The following CADPS variants were observed in gnomAD, a reference collection of about 807,000 sequenced individuals.
CADPS encodes calcium-dependent secretion activator 1.
Under a neutral mutation model 167.3 loss-of-function variants are expected in CADPS, and 57 were observed. The observed-to-expected ratio is 0.34, with a 90% confidence interval of 0.28 to 0.42. The LOEUF is 0.42. Ranked by LOEUF, CADPS falls within the 20% of genes least tolerant of loss-of-function variation. CADPS has a pLI of 1.00. For missense variants in CADPS, 1,414 were observed against 1,738.1 expected (o/e 0.81, Z 3.32); for synonymous variants, 676 against 635.3 (o/e 1.06, Z -0.96).
intron 23 of CADPS, among the ~76,000 whole-genome samples, 196 bp from the exon 24 acceptor site, chr3:62,474,516 C>A (rs2061024669): frequency 6.6e-6 from 1 of 152,106 alleles, no homozygotes; most frequent in South Asian, 2.1e-4. Context: ...ACATGCACAC[C>A]CTTCCTTTCC....
intron 1 of CADPS, among the ~76,000 whole-genome samples, chr3:62,789,123 A>G (rs941659028): frequency 5.3e-5 from 8 of 152,200 alleles, no homozygotes; most frequent in African/African-American, 1.9e-4. Flanking sequence ...GCAACATAAA[A>G]CTGACACATA....
In CADPS at chr3:62,701,883, A is replaced by T. The variant is rs544828035; in HGVS notation, c.889-39489T>A. On this transcript the variant is annotated intron_variant, in intron 3 of 29. Coordinates refer to ENST00000383710, the MANE Select transcript of CADPS (RefSeq NM_003716.4). ...TGTCAAAAGGAAAAGGTTAAGCTGAATGTTGAGTCATGCAAGAAACTGCTT... is the reference window on the plus strand; with the variant it reads ...TGTCAAAAGGAAAAGGTTAAGCTGATTGTTGAGTCATGCAAGAAACTGCTT... 5.9e-5 allele frequency among the ~76,000 whole-genome samples: 9 copies of T among 152,302 alleles called. No homozygotes were observed. In the South Asian group the frequency reaches 1.7e-3, roughly 28 times the overall value.
chr3:62,492,031 A>G (rs2063830034), intron 20 of CADPS, among the ~76,000 whole-genome samples: 1 of 152,220 alleles, frequency 6.6e-6, no homozygotes, highest in Non-Finnish European at 1.5e-5. Flanking sequence ...AATCAAACAC[A>G]CAAAAAATGG....
intron 1 of CADPS, among the ~76,000 whole-genome samples, chr3:62,873,145 A>C (rs1407591001): frequency 6.6e-6 from 1 of 152,228 alleles, no homozygotes; most frequent in Non-Finnish European, 1.5e-5. Context: ...TCACCCTGGA[A>C]ATCAGTTTTA....
intron 3 of CADPS, among the ~76,000 whole-genome samples, chr3:62,668,432 G>A (rs1054551756): frequency 6.6e-6 from 1 of 152,098 alleles, no homozygotes; most frequent in African/African-American, 2.4e-5. Context: ...TTTTGGGAGG[G>A]CTAGCTTTCT....
chr3:62,437,252 A>T (rs569483528), intron 28 of CADPS, among the ~76,000 whole-genome samples: 1 of 152,172 alleles, frequency 6.6e-6, no homozygotes, highest in Admixed American at 6.5e-5. Context: ...AATTCGGTGG[A>T]AACCCGAGAT....
chr3:62,489,172 T>A (rs1257597865), intron 21 of CADPS, among the ~76,000 whole-genome samples: 1 of 152,090 alleles, frequency 6.6e-6, no homozygotes, highest in African/African-American at 2.4e-5. Flanking sequence ...TTATTATTTT[T>A]TTTTTTGAGA....
intron 6 of CADPS, among the ~76,000 whole-genome samples, chr3:62,594,203 C>A (rs1244009929): frequency 6.7e-6 from 1 of 148,610 alleles, no homozygotes; most frequent in Non-Finnish European, 1.5e-5. Context: ...GCTCTGTCGC[C>A]CAGGCTGGAG....
chr3:62,838,167 A>G (rs893244063), intron 1 of CADPS, among the ~76,000 whole-genome samples: 1 of 152,208 alleles, frequency 6.6e-6, no homozygotes, highest in Non-Finnish European at 1.5e-5. Context: ...AGATCAGCCC[A>G]GGGGCTGATT....
intron 8 of CADPS, among the ~76,000 whole-genome samples, chr3:62,575,418 T>C (rs1404623250): frequency 2.6e-5 from 4 of 152,222 alleles, no homozygotes; most frequent in Non-Finnish European, 5.9e-5. Flanking sequence ...ACTAGAGTTA[T>C]CTCTACTTCA....
intron 9 of CADPS, among the ~76,000 whole-genome samples, chr3:62,562,092 G>A (rs756950041): frequency 4.8e-4 from 73 of 152,244 alleles, no homozygotes; most frequent in Non-Finnish European, 9.4e-4. Context: ...AAAAAGAGAG[G>A]TATATGGTAC....
chr3:62,571,434 C>A (rs1217050836), intron 8 of CADPS, among the ~76,000 whole-genome samples: 1 of 152,150 alleles, frequency 6.6e-6, no homozygotes, highest in Admixed American at 6.5e-5. Flanking sequence ...CTCCCCACTT[C>A]CTTCCTCCTT....
intron 1 of CADPS, among the ~76,000 whole-genome samples, chr3:62,858,301 G>T (rs188980245): frequency 5.9e-5 from 9 of 152,224 alleles, no homozygotes; most frequent in African/African-American, 2.2e-4. Flanking sequence ...TCTCCTCATG[G>T]TTCTAAGATG....
At chr3:62,786,095 C>G (rs2092399895) in intron 1 of CADPS, among the ~76,000 whole-genome samples, 1 of 152,186 alleles carries the variant, frequency 6.6e-6, no homozygotes, top group South Asian at 2.1e-4. Flanking sequence ...TGCCTGTATT[C>G]CCAGCTACTC....
chr3:62,860,587 C>A (rs1454078546), intron 1 of CADPS, among the ~76,000 whole-genome samples: 1 of 152,108 alleles, frequency 6.6e-6, no homozygotes, highest in Admixed American at 6.6e-5. Flanking sequence ...CAGTTCAAAC[C>A]CACGTTGGTC....
intron 1 of CADPS, among the ~76,000 whole-genome samples, chr3:62,816,039 G>T (rs745912061): frequency 6.6e-5 from 10 of 152,152 alleles, no homozygotes; most frequent in Non-Finnish European, 1.3e-4. Flanking sequence ...TCAAATTCCT[G>T]TAGAGTATGG....
At chr3:62,588,870 A>G (rs1417029096) in intron 7 of CADPS, among the ~76,000 whole-genome samples, 2 of 152,118 alleles carry the variant, frequency 1.3e-5, no homozygotes, top group East Asian at 3.9e-4. Flanking sequence ...GTAGCTTCCA[A>G]CTGTGCTTTT....
At chr3:62,415,621 G>A (rs1285664075) in intron 28 of CADPS, among the ~76,000 whole-genome samples, 1 of 152,182 alleles carries the variant, frequency 6.6e-6, no homozygotes, top group African/African-American at 2.4e-5. Flanking sequence ...CTGTCAGCGG[G>A]GAGGCAGAGG....
At chr3:62,729,072 G>A (rs917985283) in intron 3 of CADPS, among the ~76,000 whole-genome samples, 1 of 151,936 alleles carries the variant, frequency 6.6e-6, no homozygotes, top group Admixed American at 6.5e-5. Context: ...ACATGCTTTT[G>A]TATTTAACCC....
Sources: allele counts gnomAD v4.1 joint callset (sites outside exome capture counted in the v4.1 genomes callset), GRCh38; gene constraint gnomAD v4.1.1; transcripts MANE v1.5; gene names NCBI Gene and HGNC (gene_info 2026-07-23, HGNC 2026-07-21).